The following MAST4 variants were observed in gnomAD, a reference collection of about 807,000 sequenced individuals.
MAST4 encodes microtubule associated serine/threonine kinase family member 4.
MAST4 carries 89 observed loss-of-function variants against 162.7 expected under a neutral mutation model. The observed-to-expected ratio is 0.55, with a 90% confidence interval of 0.46 to 0.65. The LOEUF (loss-of-function observed/expected upper bound fraction) is 0.65. MAST4 is among the 30% of genes least tolerant of loss of function. The pLI, the probability that MAST4 is intolerant of heterozygous loss-of-function variation, is 0.00. For missense variants in MAST4, 3,153 were observed against 3,374.0 expected (o/e 0.93, Z 1.62); for synonymous variants, 1,479 against 1,361.1 (o/e 1.09, Z -1.91).
At position 67,168,492 on chromosome 5, in the gene MAST4, A is replaced by G. The variant is rs1482923375; in HGVS notation, c.*1441A>G. 20 of 152,130 alleles carry G rather than the reference A, an allele frequency of 1.3e-4. No individual in the cohort carries two copies. Among genetic ancestry groups the G allele is most frequent in the Non-Finnish European group, 1.5e-5 (1 of 68,026 alleles). The allele number at this position is 152,130 out of a possible 1,614,324, so 9.4% of individuals were successfully genotyped here. A position where few individuals can be genotyped will look rare whatever the true frequency, so the allele number is the denominator to read the frequency against. Reference sequence around the variant, plus strand: ...AATTTGTCAAATCATTTTAGTGCTGAAGGTTTTTGATTTCTTGTTTTTGTT... The same window carrying G: ...AATTTGTCAAATCATTTTAGTGCTGGAGGTTTTTGATTTCTTGTTTTTGTT... On this transcript the variant is annotated 3_prime_UTR_variant, in exon 29 of 29. Transcript: ENST00000403625.
chr5:66,912,205 G>A lies in MAST4; in HGVS notation c.674+12223G>A, dbSNP rs116351242. Among the ~76,000 whole-genome samples, 355 of 152,336 alleles carry A rather than the reference G, an allele frequency of 2.3e-3. 3 individuals carry two copies. The highest frequency in any genetic ancestry group is 8.2e-3 in the African/African-American group (343 of 41,586). On this transcript the variant is annotated intron_variant, in intron 4 of 28. Transcript: ENST00000403625. ...AGAGTGGGACCTTCCCACTGGACTA[G>A]CAGCAGGACAAAGTGAGGGAGAGTT...
intron 12 of MAST4, among the ~76,000 whole-genome samples, chr5:67,117,260 C>T (rs1767028385): frequency 6.6e-6 from 1 of 152,140 alleles, no homozygotes; most frequent in South Asian, 2.1e-4. Flanking sequence ...TGGATATTGA[C>T]ATCATTTGAA....
At chr5:66,724,815 T>C (rs1580299940) in intron 1 of MAST4, among the ~76,000 whole-genome samples, 1 of 151,942 alleles carries the variant, frequency 6.6e-6, no homozygotes, top group South Asian at 2.1e-4. Flanking sequence ...AATTATAATA[T>C]ATGTGGGCTG....
At chr5:66,986,761 C>T (rs541718605) in intron 4 of MAST4, among the ~76,000 whole-genome samples, 2 of 151,772 alleles carry the variant, frequency 1.3e-5, no homozygotes, top group Non-Finnish European at 2.9e-5. Context: ...ACTACAGGTG[C>T]ACATCACCAT....
chr5:67,157,488 A>C (rs933923600), intron 26 of MAST4, among the ~76,000 whole-genome samples: 7 of 152,234 alleles, frequency 4.6e-5, no homozygotes, highest in African/African-American at 2.4e-5. Flanking sequence ...TATGTGTCTC[A>C]TACAATTTTA....
At chr5:66,944,681 AATTT>A (rs1303556601) in intron 4 of MAST4, among the ~76,000 whole-genome samples, 10 of 152,098 alleles carry the variant, frequency 6.6e-5, no homozygotes, top group African/African-American at 2.2e-4. Flanking sequence ...GCTGTGTAAC[AATTT>A]ATTATAAACT....
intron 1 of MAST4, among the ~76,000 whole-genome samples, chr5:66,625,415 G>T (rs1350742550): frequency 6.6e-6 from 1 of 152,178 alleles, no homozygotes; most frequent in Non-Finnish European, 1.5e-5. Flanking sequence ...AACCCTTGTT[G>T]AGTAAAAATA....
At chr5:66,893,746 C>G (rs536363934) in intron 3 of MAST4, among the ~76,000 whole-genome samples, 1 of 152,288 alleles carries the variant, frequency 6.6e-6, no homozygotes, top group South Asian at 2.1e-4. Flanking sequence ...TACTGGTTTT[C>G]CAGCTTGACT....
chr5:66,733,365 G>T lies in MAST4; in HGVS notation c.364-26344G>T, dbSNP rs185206921. On this transcript the variant is annotated intron_variant, in intron 1 of 28. Coordinates refer to ENST00000403625, the MANE Select transcript of MAST4 (RefSeq NM_001164664.2). ...TTCTAATCCTATTTTTACAAATATG[G>T]TTTCCTTTCTTCAGATAGATAATTT... Among the ~76,000 whole-genome samples, 349 of 151,800 alleles carry T rather than the reference G, an allele frequency of 2.3e-3. 8 individuals carry two copies. Among genetic ancestry groups the T allele is most frequent in the Admixed American group, 0.021 (327 of 15,240 alleles).
Position 66,889,219 on chromosome 5 carries a change from G to A in MAST4, c.643-10732G>A, listed in dbSNP as rs970116773. 1.8e-4 allele frequency among the ~76,000 whole-genome samples: 27 copies of A among 152,156 alleles called. 1 individual carries two copies. Among genetic ancestry groups the A allele is most frequent in the Admixed American group, 1.5e-3 (23 of 15,278 alleles). ...AACTGAAAAAATTGTGGAGCCTTGT[G>A]GGGCACAGCTGTGCGGTGTTGCCTT... is the stretch of plus-strand genomic sequence containing the variant. On this transcript the variant is annotated intron_variant, in intron 3 of 28. Transcript: ENST00000403625.
At chr5:67,109,015 T>A (rs1409072299) in intron 10 of MAST4, among the ~76,000 whole-genome samples, 1 of 152,114 alleles carries the variant, frequency 6.6e-6, no homozygotes, top group Non-Finnish European at 1.5e-5. Flanking sequence ...CCTCTAAAAC[T>A]TGTTTTATGC....
intron 1 of MAST4, among the ~76,000 whole-genome samples, chr5:66,729,531 T>C (rs1580311669): frequency 6.6e-6 from 1 of 152,210 alleles, no homozygotes; most frequent in South Asian, 2.1e-4. Flanking sequence ...AGGCCCCTCA[T>C]AGAGCAGTGT....
chr5:66,890,893 T>C (rs1431001459), intron 3 of MAST4, among the ~76,000 whole-genome samples: 2 of 152,186 alleles, frequency 1.3e-5, no homozygotes, highest in African/African-American at 4.8e-5. Flanking sequence ...GAAGTTTAAA[T>C]AAGATAATGT....
chr5:66,902,268 T>C (rs1203756923), intron 4 of MAST4, among the ~76,000 whole-genome samples: 1 of 152,200 alleles, frequency 6.6e-6, no homozygotes, highest in Non-Finnish European at 1.5e-5. Context: ...GTGTGTACCT[T>C]GATAAAGGCT....
In MAST4 at chr5:67,163,687, G is replaced by A. The variant is rs774521599; in HGVS notation, c.4508G>A (p.Arg1503Gln). The A allele has an allele frequency of 4.4e-6, 7 of 1,609,018 alleles. No homozygotes were observed. Among genetic ancestry groups the A allele is most frequent in the South Asian group, 2.2e-5 (2 of 90,400 alleles). ...VCDVPPLSRA[R>Q]PVEQGCLKRP... is the part of the protein sequence containing the mutation. ...GACGTGCCGCCGCTCAGCCGCGCCC[G>A]GCCAGTGGAGCAAGGCTGCCTGAAA... is the stretch of plus-strand genomic sequence containing the variant. The change falls in exon 29 of 29, where the codon CGG becomes CAG. Residue 1503 changes from arginine (R) to glutamine (Q), a missense_variant. By Grantham distance (43) the Arg-to-Gln change is conservative. Transcript: ENST00000403625. The surrounding 1 kb of genome is among the most constrained non-coding windows in gnomAD (Gnocchi z 7.0).
intron 2 of MAST4, among the ~76,000 whole-genome samples, chr5:66,785,750 A>T (rs1561329532): frequency 6.6e-6 from 1 of 152,220 alleles, no homozygotes; most frequent in Non-Finnish European, 1.5e-5. Context: ...TTTATTGAGC[A>T]TTTACTAAGT....
rs368570489 is a variant in MAST4, at chr5:67,133,539, A to T, written c.2119A>T (p.Ile707Leu). The change falls in exon 17 of 29, where the codon ATA becomes TTA. Residue 707 changes from isoleucine to leucine, a missense_variant. Transcript: ENST00000403625. The part of the protein sequence containing the change: ...DNLLVTSMGH[I>L]KLTDFGLSKV... ...CTTGTTGGTTACCTCCATGGGGCAC[A>T]TAAAGCTGACAGATTTTGGATTATC... is the stretch of plus-strand genomic sequence containing the variant. 2 of 1,613,394 alleles carry T rather than the reference A, an allele frequency of 1.2e-6. No homozygotes were observed. The highest frequency in any genetic ancestry group is 8.5e-7 in the Non-Finnish European group (1 of 1,179,396).
At chr5:66,639,888 T>G (rs1745370208) in intron 1 of MAST4, among the ~76,000 whole-genome samples, 1 of 152,228 alleles carries the variant, frequency 6.6e-6, no homozygotes, top group Non-Finnish European at 1.5e-5. Context: ...TGAAATCATT[T>G]GTACAGTGAA....
chr5:66,601,927 C>T (rs953019083), intron 1 of MAST4, among the ~76,000 whole-genome samples: 3 of 152,000 alleles, frequency 2.0e-5, no homozygotes, highest in Admixed American at 1.3e-4. Context: ...AGAAGATGTC[C>T]CTTTAGCAAA....
Sources: allele counts gnomAD v4.1 joint callset (sites outside exome capture counted in the v4.1 genomes callset), GRCh38; gene constraint gnomAD v4.1.1; non-coding constraint Gnocchi (gnomAD v3.1); transcripts MANE v1.5; gene names NCBI Gene and HGNC (gene_info 2026-07-23, HGNC 2026-07-21).